The following AKR1B1 variants were observed in gnomAD, a reference collection of about 807,000 sequenced individuals.
The protein encoded by AKR1B1 is aldo-keto reductase family 1 member B, also known as aldo-keto reductase family 1 member B1.
Under a neutral mutation model 40.4 loss-of-function variants are expected in AKR1B1, and 22 were observed. The observed-to-expected ratio is 0.54, with a 90% CI of 0.39 to 0.78. The LOEUF (loss-of-function observed/expected upper bound fraction) is 0.78. Among genes scored for constraint, AKR1B1 ranks in the 30% least tolerant of loss-of-function variants. AKR1B1 has a pLI of 0.00. For synonymous variants in AKR1B1, 157 were observed against 149.9 expected (o/e 1.05, Z -0.35); for missense variants, 357 against 396.7 (o/e 0.90, Z 0.85).
chr7:134,456,156 G>A (rs1806464268), intron 1 of AKR1B1, among the ~76,000 whole-genome samples: 1 of 152,180 alleles, frequency 6.6e-6, no homozygotes. Context: ...CTTCTGTCGA[G>A]CATCTGTGAA....
In AKR1B1 at chr7:134,445,331, A is replaced by G. The variant is rs773492504; in HGVS notation, c.826-11T>C. The G allele has an allele frequency of 2.5e-6, 4 of 1,609,322 alleles. No individual in the cohort carries two copies. The highest frequency in any genetic ancestry group is 3.4e-6 in the Non-Finnish European group (4 of 1,177,646). On this transcript the variant is annotated splice_polypyrimidine_tract_variant and intron_variant, in intron 8 of 9. Transcript: ENST00000285930. Reference sequence around the variant, plus strand: ...TTCAAAGTCAAAGACCTAAAAAACAAACAAAAAAATCCAGTAAGCTCTGCA... The same window carrying G: ...TTCAAAGTCAAAGACCTAAAAAACAGACAAAAAAATCCAGTAAGCTCTGCA...
intron 7 of AKR1B1, 100 bp downstream of exon 7, chr7:134,447,880 T>G: frequency 9.6e-7 from 1 of 1,046,744 alleles, no homozygotes; most frequent in South Asian, 1.4e-5. Context: ...ATACTTCCTG[T>G]GAGGGTGTAA....
intron 8 of AKR1B1, 73 bp downstream of exon 8, chr7:134,447,225 G>C (rs185625624): frequency 1.5e-6 from 2 of 1,314,154 alleles, no homozygotes; most frequent in African/African-American, 2.9e-5. Context: ...TGACACTCCA[G>C]AGACAGGATG....
At chr7:134,449,322 C>G (rs1312653481) in intron 4 of AKR1B1, 1 of 702,946 alleles carries the variant, frequency 1.4e-6, no homozygotes, top group South Asian at 1.7e-5. Flanking sequence ...CGCGGTGGCT[C>G]ACGCCTGTAA....
At chr7:134,449,510 C>T in intron 4 of AKR1B1, 1 of 601,974 alleles carries the variant, frequency 1.7e-6, no homozygotes, top group Non-Finnish European at 2.9e-6. Context: ...TGGCGTGAAC[C>T]CAGGAGGTGG....
At position 134,458,698 on chromosome 7, in the gene AKR1B1, G is replaced by A. The variant is rs778439425; in HGVS notation, c.66+299C>T. Among the ~76,000 whole-genome samples, 92 of 152,152 alleles carry A rather than the reference G, an allele frequency of 6.0e-4. 1 individual carries two copies. Among genetic ancestry groups the A allele is most frequent in the Non-Finnish European group, 1.1e-3 (77 of 68,020 alleles). On this transcript the variant is annotated intron_variant, in intron 1 of 9. Transcript: ENST00000285930. Reference sequence around the variant, plus strand: ...GGCGCCCGCTAGGACCCAAAATGCGGACTGGTGGGCCGCCCATCAAGGGTT... The same window carrying A: ...GGCGCCCGCTAGGACCCAAAATGCGAACTGGTGGGCCGCCCATCAAGGGTT...
chr7:134,453,750 T>C (rs931647776), intron 1 of AKR1B1, among the ~76,000 whole-genome samples: 2 of 152,154 alleles, frequency 1.3e-5, no homozygotes, highest in African/African-American at 4.8e-5. Flanking sequence ...ACATGTGTGC[T>C]GGGAGGCTGA....
intron 9 of AKR1B1, 41 bp downstream of exon 9, chr7:134,445,197 A>C: frequency 6.5e-7 from 1 of 1,547,560 alleles, no homozygotes; most frequent in Non-Finnish European, 8.9e-7. Flanking sequence ...CAGCATCTGA[A>C]TATCTCCTGG....
rs746287907 is a variant in AKR1B1 at position 134,448,006 on chromosome 7, C to G, written c.715G>C (p.Ala239Pro). 2 of 1,613,208 alleles carry G rather than the reference C, an allele frequency of 1.2e-6. No homozygotes were observed. Among genetic ancestry groups the G allele is most frequent in the South Asian group, 2.2e-5 (2 of 90,668 alleles). The change falls in exon 7 of 10, where the codon GCC becomes CCC. Residue 239 changes from alanine (A) to proline (P), a missense_variant. Ala to Pro is a conservative substitution (Grantham distance 27, BLOSUM62 -1). Transcript: ENST00000285930. ...TGGGCTGTAGTTTTATTGTGCTTGG[C>G]TGCGATCGCCTTGATCCTGGGATCC... ...LEDPRIKAIA[A>P]KHNKTTAQVL...
chr7:134,455,896 C>A (rs1030474036), intron 1 of AKR1B1, among the ~76,000 whole-genome samples: 18 of 152,174 alleles, frequency 1.2e-4, no homozygotes, highest in African/African-American at 4.3e-4. Context: ...GAAGGCAAGA[C>A]TGCCAGAAAG....
chr7:134,451,845 C>T, intron 1 of AKR1B1, 92 bp from the exon 2 acceptor site: 1 of 1,409,304 alleles, frequency 7.1e-7, no homozygotes, highest in Middle Eastern at 1.8e-4. Context: ...TGCTGACCAG[C>T]CTGCCACTTT....
At chr7:134,443,655 G>A (rs902023196) in intron 9 of AKR1B1, among the ~76,000 whole-genome samples, 1 of 151,676 alleles carries the variant, frequency 6.6e-6, no homozygotes. Context: ...ATCTAGTAGG[G>A]CCAATGGCTG....
chr7:134,458,862 AAGCCCGCGCGTGGCTCCC>A, intron 1 of AKR1B1, 117 bp downstream of exon 1: 1 of 1,042,366 alleles, frequency 9.6e-7, no homozygotes, highest in Non-Finnish European at 1.4e-6. Context: ...GGGACCCTGC[AAGCCCGCGCGTGGCTCCC>A]AGCACGCCGG....
intron 1 of AKR1B1, among the ~76,000 whole-genome samples, chr7:134,455,122 C>A (rs1318396079): frequency 1.3e-5 from 2 of 152,096 alleles, no homozygotes; most frequent in Non-Finnish European, 2.9e-5. Flanking sequence ...GAAGGTGGAG[C>A]AAGTCTTTCC....
intron 3 of AKR1B1, among the ~76,000 whole-genome samples, 184 bp downstream of exon 3, chr7:134,450,602 G>T (rs149233989): frequency 6.6e-6 from 1 of 152,218 alleles, no homozygotes; most frequent in Non-Finnish European, 1.5e-5. Context: ...AATGGCCTGC[G>T]TGGGGCCCGA....
intron 8 of AKR1B1, 126 bp from the exon 9 acceptor site, chr7:134,445,446 G>GA (rs1462214309): frequency 1.3e-6 from 1 of 791,214 alleles, no homozygotes; most frequent in Non-Finnish European, 2.1e-6. Context: ...CTGAACTTAG[G>GA]AAAAGCTGAT....
At chr7:134,456,487 C>A (rs1005076649) in intron 1 of AKR1B1, among the ~76,000 whole-genome samples, 1 of 151,908 alleles carries the variant, frequency 6.6e-6, no homozygotes, top group Non-Finnish European at 1.5e-5. Flanking sequence ...GTGTGAGCCA[C>A]CGCGCCCGGC....
At chr7:134,450,626 A>G (rs555812049) in intron 3 of AKR1B1, among the ~76,000 whole-genome samples, 160 bp downstream of exon 3, 1 of 152,316 alleles carries the variant, frequency 6.6e-6, no homozygotes, top group East Asian at 1.9e-4. Flanking sequence ...TGTGATTTCT[A>G]AGACGCTCCC....
chr7:134,450,675 G>A (rs958422252), intron 3 of AKR1B1, 111 bp downstream of exon 3: 5 of 845,968 alleles, frequency 5.9e-6, no homozygotes, highest in African/African-American at 3.3e-5. Flanking sequence ...GCTATACCTT[G>A]AGCAGCAAGA....
Sources: gnomAD v4.1 joint callset for allele counts (sites outside exome capture counted in the v4.1 genomes callset) on GRCh38, gnomAD v4.1.1 for gene constraint, MANE v1.5 for transcripts, NCBI Gene and HGNC (gene_info 2026-07-23, HGNC 2026-07-21) for gene names.